MCOLN2: variants seen among roughly 807,000 people sequenced by gnomAD.
MCOLN2 encodes the protein mucolipin TRP cation channel 2, also known as mucolipin-2.
A neutral mutation model predicts 67.5 loss-of-function variants in MCOLN2; 57 were observed. The observed-to-expected ratio is 0.84, with a 90% confidence interval of 0.68 to 1.05. MCOLN2 has a LOEUF of 1.05. Among genes scored for constraint, MCOLN2 ranks in the 50% least tolerant of loss-of-function variants. The pLI is 0.00. For synonymous variants in MCOLN2, 246 were observed against 233.3 expected, an observed-to-expected ratio of 1.05 and a Z score of -0.50; for missense variants, 620 against 678.8, an observed-to-expected ratio of 0.91 and a Z score of 0.96.
At chr1:84,930,947 G>A (rs1661374179) in intron 12 of MCOLN2, among the ~76,000 whole-genome samples, 1 of 152,156 alleles carries the variant, frequency 6.6e-6, no homozygotes, top group Admixed American at 6.5e-5. Flanking sequence ...AAGGAAGCCT[G>A]CACCATGCCA....
In MCOLN2 at chr1:84,931,490, T is replaced by C; in HGVS notation, c.1414A>G (p.Ile472Val). Residue 472 changes from isoleucine (I) to valine (V), a missense_variant, in exon 12 of 14, where the codon ATC becomes GTC. By Grantham distance (29) the Ile-to-Val change is conservative. Transcript: ENST00000370608. The stretch of plus-strand genomic sequence containing the variant: ...CACACCAAGATGCTCTTCTGCTGGA[T>C]TTGGGCAAAGGTTGCAAACATGTCA... Reference protein sequence around the residue: ...GDDMFATFAQIQQKSILVWLF... With the variant: ...GDDMFATFAQVQQKSILVWLF... 6.2e-7 allele frequency: 1 copy of C among 1,614,022 alleles called. No homozygotes were observed. Among genetic ancestry groups the C allele is most frequent in the East Asian group, 2.2e-5 (1 of 44,872 alleles).
chr1:84,951,518 T>C (rs1648461736), intron 6 of MCOLN2, among the ~76,000 whole-genome samples: 1 of 152,252 alleles, frequency 6.6e-6, no homozygotes, highest in Admixed American at 6.5e-5. Flanking sequence ...CTTTGCAGAC[T>C]GGTCTTCACA....
Position 84,987,563 on chromosome 1 carries a change from TAC to T in MCOLN2, c.77+9231_77+9232del, listed in dbSNP as rs1403980258. On this transcript the variant is annotated intron_variant, in intron 1 of 13. Coordinates refer to ENST00000370608, the MANE Select transcript of MCOLN2 (RefSeq NM_153259.4). ...ATACATAGATGTATACATCTATGTA[TAC>T]ATAGATGTATACATAGATATATACA... Among the ~76,000 whole-genome samples the T allele has an allele frequency of 6.5e-4, 61 of 94,238 alleles. 7 individuals carry two copies. Among genetic ancestry groups the T allele is most frequent in the African/African-American group, 1.7e-3 (42 of 25,418 alleles). 61.8% of individuals were successfully genotyped at this position (94,238 alleles called of 152,430 possible). A position where few individuals can be genotyped will look rare whatever the true frequency, so the allele number is the denominator to read the frequency against.
intron 1 of MCOLN2, among the ~76,000 whole-genome samples, chr1:84,970,651 T>A (rs1185359194): frequency 6.6e-6 from 1 of 152,086 alleles, no homozygotes; most frequent in Non-Finnish European, 1.5e-5. Flanking sequence ...CCACTGCACT[T>A]CAGCCTGGGC....
At chr1:84,932,440 TG>T (rs879616576) in intron 11 of MCOLN2, among the ~76,000 whole-genome samples, 2 of 152,132 alleles carry the variant, frequency 1.3e-5, no homozygotes, top group Admixed American at 1.3e-4. Context: ...CTCGAACTCC[TG>T]GCCTCAGGTG....
chr1:84,962,271 C>T (rs765146183), intron 2 of MCOLN2, among the ~76,000 whole-genome samples: 21 of 152,298 alleles, frequency 1.4e-4, no homozygotes, highest in Non-Finnish European at 2.8e-4. Flanking sequence ...GTAGGCTGGG[C>T]ACAGTGGCTC....
intron 1 of MCOLN2, among the ~76,000 whole-genome samples, chr1:84,977,853 G>A (rs1347078924): frequency 6.6e-6 from 1 of 151,974 alleles, no homozygotes; most frequent in Admixed American, 6.6e-5. Flanking sequence ...AATCAACAAA[G>A]AAATACTGGA....
chr1:84,988,747 C>T (rs901580882), intron 1 of MCOLN2, among the ~76,000 whole-genome samples: 1 of 152,106 alleles, frequency 6.6e-6, no homozygotes. Context: ...CCTTTAGGGG[C>T]TTTCCCCTTC....
intron 1 of MCOLN2, among the ~76,000 whole-genome samples, chr1:84,993,756 G>A (rs796298645): frequency 1.3e-4 from 19 of 150,578 alleles, no homozygotes; most frequent in East Asian, 9.8e-4. Context: ...TCAGCCTCCC[G>A]AGTAGCTGGG....
chr1:84,973,759 C>T (rs1649856870), intron 1 of MCOLN2, among the ~76,000 whole-genome samples: 1 of 152,186 alleles, frequency 6.6e-6, no homozygotes, highest in Non-Finnish European at 1.5e-5. Context: ...GAGAAGCCTC[C>T]ACTGATCATC....
chr1:84,950,297 T>C (rs1045547509), intron 6 of MCOLN2, among the ~76,000 whole-genome samples: 1 of 152,220 alleles, frequency 6.6e-6, no homozygotes, highest in African/African-American at 2.4e-5. Flanking sequence ...AGATATCTGG[T>C]TCAGAGAAAT....
intron 1 of MCOLN2, among the ~76,000 whole-genome samples, chr1:84,982,325 T>TG (rs750363382): frequency 1.1e-4 from 16 of 152,302 alleles, no homozygotes; most frequent in South Asian, 2.1e-4. Context: ...AAAATAGAGA[T>TG]GGGGTCTCAC....
intron 1 of MCOLN2, among the ~76,000 whole-genome samples, chr1:84,976,729 G>T (rs1447381119): frequency 6.6e-6 from 1 of 152,096 alleles, no homozygotes; most frequent in Non-Finnish European, 1.5e-5. Flanking sequence ...TCATGCCACT[G>T]CACTCCAGCC....
rs1648551844 is a variant in MCOLN2, at chr1:84,952,522, G to C, written c.574C>G (p.Gln192Glu). The stretch of plus-strand genomic sequence containing the variant: ...TTGGAGAGGTCCTGAAGGTCTAATT[G>C]AACACAATCTAGGGCAATGAAAGAA... ...IDNDVELDCV[Q>E]LDLQDLSKKP... is the part of the protein sequence containing the mutation. Residue 192 changes from glutamine (Q) to glutamate (E), a missense_variant, in exon 5 of 14, where the codon CAA becomes GAA. Gln to Glu is a conservative substitution (Grantham distance 29). Coordinates refer to ENST00000370608, the MANE Select transcript of MCOLN2 (RefSeq NM_153259.4). The C allele has an allele frequency of 6.2e-7, 1 of 1,606,846 alleles. No individual in the cohort carries two copies. The highest frequency in any genetic ancestry group is 1.3e-5 in the African/African-American group (1 of 74,770).
chr1:84,980,662 T>A (rs892723713), intron 1 of MCOLN2, among the ~76,000 whole-genome samples: 4 of 152,170 alleles, frequency 2.6e-5, no homozygotes, highest in African/African-American at 9.7e-5. Context: ...TATCACCATA[T>A]ACAAAAATCA....
At chr1:84,928,799 A>C (rs558712063) in intron 13 of MCOLN2, among the ~76,000 whole-genome samples, 3 of 152,184 alleles carry the variant, frequency 2.0e-5, no homozygotes, top group Non-Finnish European at 4.4e-5. Context: ...GAATTGATTA[A>C]CAGAAAAATG....
At chr1:84,972,374 A>G (rs1191939226) in intron 1 of MCOLN2, among the ~76,000 whole-genome samples, 1 of 152,238 alleles carries the variant, frequency 6.6e-6, no homozygotes, top group Admixed American at 6.5e-5. Context: ...CTGGATTTTT[A>G]TAAGCTTAAT....
intron 1 of MCOLN2, among the ~76,000 whole-genome samples, chr1:84,976,934 A>T (rs1650017495): frequency 6.6e-6 from 1 of 152,210 alleles, no homozygotes; most frequent in African/African-American, 2.4e-5. Context: ...AAGTACACAG[A>T]AAAACAAAAA....
chr1:84,979,781 C>T (rs1248018009), intron 1 of MCOLN2, among the ~76,000 whole-genome samples: 1 of 152,172 alleles, frequency 6.6e-6, no homozygotes, highest in African/African-American at 2.4e-5. Context: ...AAGATGCCTA[C>T]TGTCACCACT....
Sources: gnomAD v4.1 joint callset for allele counts (sites outside exome capture counted in the v4.1 genomes callset) on GRCh38, gnomAD v4.1.1 for gene constraint, MANE v1.5 for transcripts, NCBI Gene and HGNC (gene_info 2026-07-23, HGNC 2026-07-21) for gene names.